Variants in SP3 observed in about 807,000 individuals in gnomAD.
SP3 encodes Sp3 transcription factor.
In SP3, 10 loss-of-function variants were observed where a neutral mutation model predicts 70.3. That is an observed-to-expected ratio of 0.14 (90% CI 0.09 to 0.24). SP3 has a LOEUF of 0.24. SP3 is among the 10% of genes least tolerant of loss of function. SP3 has a pLI of 1.00. For synonymous variants in SP3, 402 were observed against 333.5 expected (o/e 1.21, Z -2.24); for missense variants, 825 against 914.6 (o/e 0.90, Z 1.26).
At chr2:173,911,297 G>A (rs571998917) in intron 6 of SP3, among the ~76,000 whole-genome samples, 1 of 152,264 alleles carries the variant, frequency 6.6e-6, no homozygotes, top group Non-Finnish European at 1.5e-5. Context: ...TAATTTACAA[G>A]GACCTTTAAA....
At chr2:173,953,036 G>A (rs150815791) in intron 4 of SP3, among the ~76,000 whole-genome samples, 4 of 152,316 alleles carry the variant, frequency 2.6e-5, no homozygotes, top group East Asian at 1.9e-4. Context: ...TGAGTTTTAC[G>A]GTATGTGAGT....
In SP3 at chr2:173,955,290, T is replaced by A; in HGVS notation, c.1222A>T (p.Ser408Cys). 6.2e-7 allele frequency: 1 copy of A among 1,614,166 alleles called. No homozygotes were observed. The highest frequency in any genetic ancestry group is 8.5e-7 in the Non-Finnish European group (1 of 1,180,040). ...ATACCTTGCACAATTTGGGCTTGAC[T>A]GGTTGGCTGCTGAGACTCTTGAAGT... ...LQLQESQQPT[S>C]QAQIVQGITP... The change falls in exon 4 of 7, where the codon AGT (serine) becomes TGT (cysteine). Residue 408 changes from serine (S) to cysteine (C), a missense_variant. Physicochemically the swap from Ser to Cys is moderately radical, Grantham distance 112 (BLOSUM62 -1). This residue lies in a region of SP3 where 678 missense variants were observed against 651.6 expected (regional missense o/e 1.04). Transcript: ENST00000310015.
intron 4 of SP3, 96 bp from the exon 5 acceptor site, chr2:173,918,881 T>C: frequency 9.7e-7 from 1 of 1,027,686 alleles, no homozygotes; most frequent in South Asian, 1.7e-5. Flanking sequence ...GTTACAACTT[T>C]GCATGCACTA....
rs575176034 is a variant in SP3 at position 173,956,578 on chromosome 2, A to G, written c.280-346T>C. ...TGGCTATGACCAAATCAGGTGCATT[A>G]TATTTGTGTATAAAAAGGAAACATA... is the stretch of plus-strand genomic sequence containing the variant. On this transcript the variant is annotated intron_variant, in intron 3 of 6. Transcript: ENST00000310015. 3.3e-5 allele frequency among the ~76,000 whole-genome samples: 5 copies of G among 152,356 alleles called. No individual in the cohort carries two copies. The East Asian group carries it at 7.7e-4, about 23-fold the overall frequency.
chr2:173,922,901 A>T (rs1366228408), intron 4 of SP3, among the ~76,000 whole-genome samples: 3 of 152,204 alleles, frequency 2.0e-5, no homozygotes, highest in Non-Finnish European at 4.4e-5. Flanking sequence ...CAAGCATTAT[A>T]AAATTGGCAG....
intron 4 of SP3, among the ~76,000 whole-genome samples, chr2:173,936,966 T>C (rs1177007380): frequency 6.6e-6 from 1 of 152,202 alleles, no homozygotes; most frequent in Non-Finnish European, 1.5e-5. Flanking sequence ...TCATGCAATT[T>C]AGTGACTTAC....
At position 173,955,396 on chromosome 2, in the gene SP3, A is replaced by G. The variant is rs1305045691; in HGVS notation, c.1116T>C (p.Tyr372=). 2 of 1,614,150 alleles carry G rather than the reference A, an allele frequency of 1.2e-6. No homozygotes were observed. The highest frequency in any genetic ancestry group is 1.7e-5 in the Admixed American group (1 of 60,002). ...TCTCTTCAGAAACAGGCGACTGGAT[A>G]TAATTTCCCTGAAGATCTGAAGAAT... ...QVHSSDLQGN[Y]IQSPVSEETQ... is the part of the protein sequence containing the mutation. The change falls in exon 4 of 7, where the codon TAT becomes TAC. Residue 372 remains tyrosine (Y), a synonymous_variant. Coordinates refer to ENST00000310015, the MANE Select transcript of SP3 (RefSeq NM_003111.5).
rs1689930165 is a variant in SP3, at chr2:173,926,945, G to C, written c.1640-8160C>G. On this transcript the variant is annotated intron_variant, in intron 4 of 6. Coordinates refer to ENST00000310015, the MANE Select transcript of SP3 (RefSeq NM_003111.5). ...TTTTTAAAAGGTTTAATTGGCTCAT[G>C]GTTCTGCAGGCTGTATAGGAAGCAT... Among the ~76,000 whole-genome samples the C allele has an allele frequency of 2.0e-5, 3 of 152,264 alleles. No individual in the cohort carries two copies. The South Asian group carries it at 6.2e-4, about 32-fold the overall frequency.
chr2:173,963,978 C>T (rs936455198), intron 2 of SP3, 95 bp from the exon 3 acceptor site: 11 of 805,516 alleles, frequency 1.4e-5, no homozygotes, highest in African/African-American at 1.1e-4. Flanking sequence ...GACTCGGTCC[C>T]CGCCGACTGC....
In SP3 at chr2:173,908,137, C is replaced by T. The variant is rs1486838083; in HGVS notation, c.*1804G>A. ...TCAAAGGCAACTTTTTCAAGTAACT[C>T]CTGCCATGGTTACCAACGCTTGTCT... On this transcript the variant is annotated 3_prime_UTR_variant, in exon 7 of 7. Coordinates refer to ENST00000310015, the MANE Select transcript of SP3 (RefSeq NM_003111.5). 1 of 152,076 alleles carries T rather than the reference C, an allele frequency of 6.6e-6. No homozygotes were observed. The highest frequency in any genetic ancestry group is 1.5e-5 in the Non-Finnish European group (1 of 67,938). 9.4% of individuals were successfully genotyped at this position (152,076 alleles called of 1,614,324 possible).
Position 173,920,682 on chromosome 2 carries a change from C to T in SP3, c.1640-1897G>A, listed in dbSNP as rs145003560. 5.8e-3 allele frequency among the ~76,000 whole-genome samples: 886 copies of T among 152,166 alleles called. 10 individuals carry two copies. Among genetic ancestry groups the T allele is most frequent in the African/African-American group, 0.02 (827 of 41,518 alleles). ...CTCGGCTCACTGCAACCTCTGCCTCCCGGATTCAAGTGATTCTCCTGCCTC... is the reference window on the plus strand; with the variant it reads ...CTCGGCTCACTGCAACCTCTGCCTCTCGGATTCAAGTGATTCTCCTGCCTC... On this transcript the variant is annotated intron_variant, in intron 4 of 6. Coordinates refer to ENST00000310015, the MANE Select transcript of SP3 (RefSeq NM_003111.5).
chr2:173,916,266 A>T (rs915784716), intron 5 of SP3: 3 of 152,104 alleles, frequency 2.0e-5, no homozygotes, highest in Admixed American at 6.5e-5. Context: ...ATAAATGAAC[A>T]TTTTTATAAT....
At chr2:173,948,694 G>T (rs1278016718) in intron 4 of SP3, among the ~76,000 whole-genome samples, 4 of 152,030 alleles carry the variant, frequency 2.6e-5, no homozygotes, top group Admixed American at 6.6e-5. Context: ...TTTCCATAAT[G>T]TTTTTGTTTT....
chr2:173,962,176 C>T (rs1225085252), intron 3 of SP3, among the ~76,000 whole-genome samples: 1 of 152,126 alleles, frequency 6.6e-6, no homozygotes, highest in Non-Finnish European at 1.5e-5. Context: ...AGTATTCTAT[C>T]CTTGGGCCTC....
intron 5 of SP3, chr2:173,914,045 T>C (rs187909711): frequency 5.1e-4 from 78 of 152,252 alleles, no homozygotes; most frequent in African/African-American, 1.8e-3. Flanking sequence ...GTTTAGAAGA[T>C]ATGAGATTAG....
At chr2:173,933,973 C>T (rs576009713) in intron 4 of SP3, among the ~76,000 whole-genome samples, 2 of 64,384 alleles carry the variant, frequency 3.1e-5, no homozygotes, top group South Asian at 1.3e-3. Flanking sequence ...TGGTGTACAT[C>T]TGTAGTCCCA....
intron 4 of SP3, among the ~76,000 whole-genome samples, chr2:173,936,499 C>CA (rs886257135): frequency 2.0e-5 from 3 of 152,196 alleles, no homozygotes; most frequent in African/African-American, 7.2e-5. Context: ...ATTCTCTCAC[C>CA]ATACTTATTC....
chr2:173,944,561 G>A (rs553862167), intron 4 of SP3, among the ~76,000 whole-genome samples: 2 of 152,090 alleles, frequency 1.3e-5, no homozygotes, highest in East Asian at 1.9e-4. Flanking sequence ...TTGTCCCCAA[G>A]AACCACTAAA....
At chr2:173,963,971 T>C in intron 2 of SP3, 88 bp from the exon 3 acceptor site, 1 of 915,358 alleles carries the variant, frequency 1.1e-6, no homozygotes, top group Non-Finnish European at 1.5e-6. Flanking sequence ...GAAGTACGAC[T>C]CGGTCCCCGC....
Sources: allele counts gnomAD v4.1 joint callset (sites outside exome capture counted in the v4.1 genomes callset), GRCh38; gene constraint gnomAD v4.1.1; regional missense constraint gnomAD v4.1.1; transcripts MANE v1.5; gene names NCBI Gene and HGNC (gene_info 2026-07-23, HGNC 2026-07-21).